Variants in GJB6 observed in about 807,000 individuals in gnomAD.
The protein encoded by GJB6 is gap junction beta-6 protein.
A neutral mutation model predicts 5.4 loss-of-function variants in GJB6; 5 were observed. The ratio of observed to expected loss-of-function variants is 0.92; its 90% CI spans 0.48 to 1.93. The LOEUF is 1.93. GJB6 is among the 30% of genes most tolerant of loss of function. GJB6 has a pLI of 0.01. For synonymous variants in GJB6, 136 were observed against 129.6 expected, an observed-to-expected ratio of 1.05 and a Z score of -0.34; for missense variants, 298 against 326.9, an observed-to-expected ratio of 0.91 and a Z score of 0.68.
chr13:20,223,091 C>A lies in GJB6; in HGVS notation c.390G>T (p.Gly130=), dbSNP rs761027934. 14 of 1,613,836 alleles carry A rather than the reference C, an allele frequency of 8.7e-6. No individual in the cohort carries two copies. Among genetic ancestry groups the A allele is most frequent in the Non-Finnish European group, 1.0e-5 (12 of 1,179,832 alleles). ...TGCTGGTGTACGTCCACCACAGCGA[C>A]CCCTCTATCCGAACCTTCTGCTTTT... is the stretch of plus-strand genomic sequence containing the variant. ...DIKKQKVRIE[G]SLWWTYTSSI... is the part of the protein sequence containing the mutation. Residue 130 remains glycine (G), a synonymous_variant, in exon 5 of 5, where the codon GGG becomes GGT. Coordinates refer to ENST00000647029, the MANE Select transcript of GJB6 (RefSeq NM_001110219.3).
intron 3 of GJB6, 186 bp from the exon 4 acceptor site, chr13:20,229,935 G>C (rs1869969599): frequency 6.6e-6 from 1 of 151,696 alleles, no homozygotes; most frequent in South Asian, 2.1e-4. Flanking sequence ...AATAATCAAA[G>C]GTGCTCTTTA....
intron 4 of GJB6, among the ~76,000 whole-genome samples, chr13:20,228,628 GC>G (rs1267658376): frequency 6.6e-6 from 1 of 150,812 alleles, no homozygotes; most frequent in Non-Finnish European, 1.5e-5. Context: ...GGGACTACAG[GC>G]GCCTGCCACC....
At chr13:20,230,300 A>G (rs2137357538) in intron 3 of GJB6, among the ~76,000 whole-genome samples, 1 of 152,334 alleles carries the variant, frequency 6.6e-6, no homozygotes, top group African/African-American at 2.4e-5. Flanking sequence ...CTGTCTGTGG[A>G]GTCTAGATGT....
chr13:20,223,233 A>C lies in GJB6; in HGVS notation c.248T>G (p.Phe83Cys). ...CACCAGCAGCGCTGGGGTGGAGACGAAGATCAGCTGGAGGGCCCACAGCCG... is the reference window on the plus strand; with the variant it reads ...CACCAGCAGCGCTGGGGTGGAGACGCAGATCAGCTGGAGGGCCCACAGCCG... ...HIRLWALQLI[F>C]VSTPALLVAM... Residue 83 changes from phenylalanine to cysteine, a missense_variant, in exon 5 of 5, where the codon TTC (phenylalanine) becomes TGC (cysteine). Coordinates refer to ENST00000647029, the MANE Select transcript of GJB6 (RefSeq NM_001110219.3). 1 of 1,610,420 alleles carries C rather than the reference A, an allele frequency of 6.2e-7. No homozygotes were observed. Among genetic ancestry groups the C allele is most frequent in the South Asian group, 1.1e-5 (1 of 90,974 alleles).
Position 20,223,404 on chromosome 13 carries a change from G to A in GJB6, c.77C>T (p.Thr26Ile). The A allele has an allele frequency of 6.2e-7, 1 of 1,614,092 alleles. No homozygotes were observed. Among genetic ancestry groups the A allele is most frequent in the Non-Finnish European group, 8.5e-7 (1 of 1,179,936 alleles). ...HSTSIGKVWITVIFIFRVMIL... is the reference protein window; with the variant it reads ...HSTSIGKVWIIVIFIFRVMIL... ...CATGACTCGGAAAATAAAGATGACT[G>A]TGATCCACACCTTCCCGATGCTGGT... The change falls in exon 5 of 5, where the codon ACA becomes ATA. Residue 26 changes from threonine (T) to isoleucine (I), a missense_variant. Physicochemically the swap from Thr to Ile is moderately conservative, Grantham distance 89. Coordinates refer to ENST00000647029, the MANE Select transcript of GJB6 (RefSeq NM_001110219.3).
intron 2 of GJB6, chr13:20,231,051 C>T (rs555332520): frequency 2.0e-5 from 3 of 152,572 alleles, no homozygotes; most frequent in Non-Finnish European, 2.9e-5. Flanking sequence ...GCAACACCCC[C>T]AAAGACGCTG....
chr13:20,230,381 T>C (rs1870000187), intron 3 of GJB6, among the ~76,000 whole-genome samples: 1 of 152,242 alleles, frequency 6.6e-6, no homozygotes, highest in Admixed American at 6.5e-5. Flanking sequence ...TAAAAATTAA[T>C]TTCCATTAAG....
In GJB6 at chr13:20,223,159, G is replaced by A. The variant is rs772862268; in HGVS notation, c.322C>T (p.Arg108Ter). Residue 108 changes from arginine to a stop codon, truncating the protein, a stop_gained, in exon 5 of 5, where the codon CGA becomes TGA. Transcript: ENST00000647029. LOFTEE classifies it low-confidence loss of function (END_TRUNC). ...YRHETTRKFR[R>*]GEKRNDFKDI... Reference sequence around the variant, plus strand: ...TTGAAATCATTCCTCTTCTCTCCTCGCCTGAACTTGCGAGTGGTTTCGTGC... The same window carrying A: ...TTGAAATCATTCCTCTTCTCTCCTCACCTGAACTTGCGAGTGGTTTCGTGC... The A allele has an allele frequency of 1.7e-5, 27 of 1,613,446 alleles. No individual in the cohort carries two copies. Among genetic ancestry groups the A allele is most frequent in the East Asian group, 2.2e-5 (1 of 44,890 alleles).
Position 20,222,463 on chromosome 13 carries a change from A to C in GJB6, c.*232T>G. 1.8e-6 allele frequency: 1 copy of C among 548,494 alleles called. No homozygotes were observed. 34.0% of individuals were successfully genotyped at this position (548,494 alleles called of 1,614,324 possible). A position where few individuals can be genotyped will look rare whatever the true frequency, so the allele number is the denominator to read the frequency against. On this transcript the variant is annotated 3_prime_UTR_variant, in exon 5 of 5. Transcript: ENST00000647029. ...CACTTAAAAGGAACCTGTCAAAGTGACTGCAATGCTCCTTTGTCAAGCAGT... is the reference window on the plus strand; with the variant it reads ...CACTTAAAAGGAACCTGTCAAAGTGCCTGCAATGCTCCTTTGTCAAGCAGT...
Position 20,223,095 on chromosome 13 carries a change from T to C in GJB6, c.386A>G (p.Glu129Gly). The C allele has an allele frequency of 6.2e-7, 1 of 1,613,944 alleles. No homozygotes were observed. Among genetic ancestry groups the C allele is most frequent in the Non-Finnish European group, 8.5e-7 (1 of 1,179,812 alleles). Residue 129 changes from glutamate to glycine, a missense_variant, in exon 5 of 5, where the codon GAG (glutamate) becomes GGG (glycine). By Grantham distance (98) the Glu-to-Gly change is moderately conservative. Coordinates refer to ENST00000647029, the MANE Select transcript of GJB6 (RefSeq NM_001110219.3). Reference sequence around the variant, plus strand: ...GGTGTACGTCCACCACAGCGACCCCTCTATCCGAACCTTCTGCTTTTTAAT... The same window carrying C: ...GGTGTACGTCCACCACAGCGACCCCCCTATCCGAACCTTCTGCTTTTTAAT... The part of the protein sequence containing the change: ...EDIKKQKVRI[E>G]GSLWWTYTSS...
intron 4 of GJB6, among the ~76,000 whole-genome samples, chr13:20,227,499 A>G (rs1869673263): frequency 6.6e-6 from 1 of 152,182 alleles, no homozygotes; most frequent in Admixed American, 6.5e-5. Flanking sequence ...CCAAGGGAGA[A>G]GCTGTGTCCT....
chr13:20,222,728 A>G lies in GJB6; in HGVS notation c.753T>C (p.Ser251=). 1 of 1,614,134 alleles carries G rather than the reference A, an allele frequency of 6.2e-7. No homozygotes were observed. Among genetic ancestry groups the G allele is most frequent in the South Asian group, 1.1e-5 (1 of 91,076 alleles). The change falls in exon 5 of 5, where the codon AGT becomes AGC. Residue 251 remains serine (S), a synonymous_variant. Transcript: ENST00000647029. ...QNEMNELISD[S]GQNAITGFPS is the part of the protein sequence containing the mutation. The stretch of plus-strand genomic sequence containing the variant: ...GGAAACCTGTGATTGCATTTTGACC[A>G]CTATCTGAAATCAGCTCATTCATTT...
At chr13:20,227,337 A>G (rs1304675658) in intron 4 of GJB6, among the ~76,000 whole-genome samples, 1 of 152,146 alleles carries the variant, frequency 6.6e-6, no homozygotes, top group Non-Finnish European at 1.5e-5. Context: ...AAAGGAAGAA[A>G]AGTAAAGGAG....
intron 4 of GJB6, among the ~76,000 whole-genome samples, chr13:20,226,964 C>T (rs747393508): frequency 1.3e-5 from 2 of 152,114 alleles, no homozygotes; most frequent in African/African-American, 4.8e-5. Flanking sequence ...TGTGGTCCAA[C>T]CTTCTAGGAA....
Position 20,223,077 on chromosome 13 carries a change from G to C in GJB6, c.404C>G (p.Thr135Arg). 1 of 1,613,702 alleles carries C rather than the reference G, an allele frequency of 6.2e-7. No individual in the cohort carries two copies. The highest frequency in any genetic ancestry group is 1.1e-5 in the South Asian group (1 of 91,076). ...KVRIEGSLWW[T>R]YTSSIFFRII... ...TCGGAAAAAGATGCTGCTGGTGTACGTCCACCACAGCGACCCCTCTATCCG... is the reference window on the plus strand; with the variant it reads ...TCGGAAAAAGATGCTGCTGGTGTACCTCCACCACAGCGACCCCTCTATCCG... Residue 135 changes from threonine to arginine, a missense_variant, in exon 5 of 5, where the codon ACG (threonine) becomes AGG (arginine). Physicochemically the swap from Thr to Arg is moderately conservative, Grantham distance 71. Coordinates refer to ENST00000647029, the MANE Select transcript of GJB6 (RefSeq NM_001110219.3).
rs10707264 is a variant in GJB6, at chr13:20,226,289, T to TA, written c.-15-2795dup. Among the ~76,000 whole-genome samples the TA allele has an allele frequency of 7.6e-3, 1,090 of 142,486 alleles. 7 individuals are homozygous for TA. The highest frequency in any genetic ancestry group is 0.019 in the Middle Eastern group (5 of 268). 93.5% of individuals were successfully genotyped at this position (142,486 alleles called of 152,430 possible). A position where few individuals can be genotyped will look rare whatever the true frequency, so the allele number is the denominator to read the frequency against. On this transcript the variant is annotated intron_variant, in intron 4 of 4. Coordinates refer to ENST00000647029, the MANE Select transcript of GJB6 (RefSeq NM_001110219.3). ...CATTAACAGAAAGCCAGGTTTTTCT[T>TA]AAAAAAAAAAAAAAAAGAAAATTGA...
rs2137362558 is a variant in GJB6, at chr13:20,232,311, G to C, written c.-537C>G. 1 of 152,214 alleles carries C rather than the reference G, an allele frequency of 6.6e-6. No homozygotes were observed. Among genetic ancestry groups the C allele is most frequent in the Middle Eastern group, 3.4e-3 (1 of 292 alleles). The allele number at this position is 152,214 out of a possible 1,614,324, so 9.4% of individuals were successfully genotyped here. On this transcript the variant is annotated 5_prime_UTR_variant, in exon 1 of 5. Coordinates refer to ENST00000647029, the MANE Select transcript of GJB6 (RefSeq NM_001110219.3). ...GCTGTCGGGCTCTCGTCGGGTTTCGGGTGAAGGCCCCGGCTCCCACCTGCT... is the reference window on the plus strand; with the variant it reads ...GCTGTCGGGCTCTCGTCGGGTTTCGCGTGAAGGCCCCGGCTCCCACCTGCT...
rs1869911410 is a variant in GJB6 at position 20,229,407 on chromosome 13, G to T, written c.-16+173C>A. On this transcript the variant is annotated intron_variant, in intron 4 of 4. Coordinates refer to ENST00000647029, the MANE Select transcript of GJB6 (RefSeq NM_001110219.3). Reference sequence around the variant, plus strand: ...GTCTTGAACTCCTGACCTCAGCCTCGGCCTCCCAAAGTGTTGGGATTACAG... The same window carrying T: ...GTCTTGAACTCCTGACCTCAGCCTCTGCCTCCCAAAGTGTTGGGATTACAG... Among the ~76,000 whole-genome samples the T allele has an allele frequency of 2.1e-5, 3 of 143,594 alleles. No individual in the cohort carries two copies. The South Asian group carries it at 6.6e-4, about 31-fold the overall frequency. 94.2% of individuals were successfully genotyped at this position (143,594 alleles called of 152,430 possible).
In GJB6 at chr13:20,228,485, T is replaced by G. The variant is rs550031780; in HGVS notation, c.-16+1095A>C. 4.3e-3 allele frequency among the ~76,000 whole-genome samples: 435 copies of G among 102,042 alleles called. 1 individual carries two copies. Among genetic ancestry groups the G allele is most frequent in the African/African-American group, 0.024 (417 of 17,234 alleles). 66.9% of individuals were successfully genotyped at this position (102,042 alleles called of 152,430 possible). Reference sequence around the variant, plus strand: ...TTTGTTTGTTTTTGTTTTTTGTTTTTGTTTTTTGTTTTTTTTGAGATGGAG... The same window carrying G: ...TTTGTTTGTTTTTGTTTTTTGTTTTGGTTTTTTGTTTTTTTTGAGATGGAG... On this transcript the variant is annotated intron_variant, in intron 4 of 4. Coordinates refer to ENST00000647029, the MANE Select transcript of GJB6 (RefSeq NM_001110219.3).
Sources: gnomAD v4.1 joint callset for allele counts (sites outside exome capture counted in the v4.1 genomes callset) on GRCh38, gnomAD v4.1.1 for gene constraint, MANE v1.5 for transcripts, NCBI Gene and HGNC (gene_info 2026-07-23, HGNC 2026-07-21) for gene names.